The following PRKCSH variants were observed in gnomAD, a reference collection of about 807,000 sequenced individuals.
PRKCSH encodes PRKCSH beta subunit of glucosidase II, also known as glucosidase 2 subunit beta.
PRKCSH carries 42 observed loss-of-function variants against 79.7 expected under a neutral mutation model. The ratio of observed to expected loss-of-function variants is 0.53; its 90% CI spans 0.41 to 0.68. The LOEUF (loss-of-function observed/expected upper bound fraction) is 0.68, where lower values mean the gene tolerates loss of function less well. PRKCSH is among the 30% of genes least tolerant of loss of function. The pLI, the probability that PRKCSH is intolerant of heterozygous loss-of-function variation, is 0.00. For missense variants in PRKCSH, 686 were observed against 709.0 expected, an observed-to-expected ratio of 0.97 and a Z score of 0.37; for synonymous variants, 325 against 288.2, an observed-to-expected ratio of 1.13 and a Z score of -1.29.
At chr19:11,438,984 T>G (rs1374546696) in intron 5 of PRKCSH, among the ~76,000 whole-genome samples, 2 of 151,694 alleles carry the variant, frequency 1.3e-5, no homozygotes, top group African/African-American at 2.4e-5. Flanking sequence ...CTTGGCTCAC[T>G]GCAACCTCTG....
intron 7 of PRKCSH, 50 bp downstream of exon 7, chr19:11,442,565 G>A: frequency 1.3e-6 from 2 of 1,597,386 alleles, no homozygotes; most frequent in Non-Finnish European, 1.7e-6. Context: ...GTGGGAGCAG[G>A]TCTGGGCCTA....
intron 7 of PRKCSH, among the ~76,000 whole-genome samples, 183 bp from the exon 8 acceptor site, chr19:11,445,206 T>G (rs533605498): frequency 6.6e-6 from 1 of 152,198 alleles, no homozygotes; most frequent in Non-Finnish European, 1.5e-5. Context: ...CCATTCACCT[T>G]GCTCTTCGTC....
Position 11,448,851 on chromosome 19 carries a change from G to T in PRKCSH, c.1287-63G>T, listed in dbSNP as rs1482886543. On this transcript the variant is annotated intron_variant, in intron 14 of 17. Transcript: ENST00000677123. The surrounding 1 kb of genome is among the most constrained non-coding windows in gnomAD (Gnocchi z 4.4). ...TGGGGACTGGAGGAGGCGGTGGGGG[G>T]TGGCTGTGGGAGGAGGCTGGAATCC... 32 of 1,587,616 alleles carry T rather than the reference G, an allele frequency of 2.0e-5. No individual in the cohort carries two copies. Among genetic ancestry groups the T allele is most frequent in the Non-Finnish European group, 2.8e-5 (32 of 1,156,344 alleles).
Position 11,448,918 on chromosome 19 carries a change from G to A in PRKCSH, c.1291G>A (p.Val431Ile), listed in dbSNP as rs368655107. The A allele has an allele frequency of 1.1e-4, 179 of 1,614,020 alleles. 1 individual carries two copies. The Admixed American group carries it at 1.5e-3, about 14-fold the overall frequency. The change falls in exon 15 of 18, where the codon GTC becomes ATC. Residue 431 changes from valine (V) to isoleucine (I), a missense_variant. Physicochemically the swap from Val to Ile is conservative, Grantham distance 29. Transcript: ENST00000677123. This position sits in a 1 kb window ranked among gnomAD's most constrained non-coding sequence, Gnocchi z 4.4. ...ATATGTCCCGGTCCTCCACAGATAC[G>A]TCTACCGCCTCTGCCCCTTCAAGCT... ...QCYELTTNEY[V>I]YRLCPFKLVS...
At position 11,441,234 on chromosome 19, in the gene PRKCSH, C is replaced by T; in HGVS notation, c.351-6C>T. 3 of 1,612,300 alleles carry T rather than the reference C, an allele frequency of 1.9e-6. No homozygotes were observed. Among genetic ancestry groups the T allele is most frequent in the Non-Finnish European group, 2.5e-6 (3 of 1,178,366 alleles). On this transcript the variant is annotated splice_region_variant and splice_polypyrimidine_tract_variant and intron_variant, in intron 5 of 17. Transcript: ENST00000677123. ...CTGGTGGTGCCTGTGTGTCTCCGCACCGCAGAGAGAAGGGCCGTAAGGAGA... is the reference window on the plus strand; with the variant it reads ...CTGGTGGTGCCTGTGTGTCTCCGCATCGCAGAGAGAAGGGCCGTAAGGAGA...
rs1970501046 is a variant in PRKCSH, at chr19:11,449,647, A to G, written c.*16+219A>G. 3.3e-6 allele frequency: 2 copies of G among 599,952 alleles called. No individual in the cohort carries two copies. Among genetic ancestry groups the G allele is most frequent in the Admixed American group, 2.9e-5 (1 of 34,048 alleles). The allele number at this position is 599,952 out of a possible 1,614,324, so 37.2% of individuals were successfully genotyped here. A position where few individuals can be genotyped will look rare whatever the true frequency, so the allele number is the denominator to read the frequency against. Reference sequence around the variant, plus strand: ...AACCTCTACCTCCCGGGTTCAAACAATTGTCTTGTCTCAGCCTCCCAAGTA... The same window carrying G: ...AACCTCTACCTCCCGGGTTCAAACAGTTGTCTTGTCTCAGCCTCCCAAGTA... On this transcript the variant is annotated intron_variant, in intron 17 of 17. Transcript: ENST00000677123. The surrounding 1 kb of genome is among the most constrained non-coding windows in gnomAD (Gnocchi z 6.4).
In PRKCSH at chr19:11,449,554, T is replaced by A. The variant is rs1409765097; in HGVS notation, c.*16+126T>A. Reference sequence around the variant, plus strand: ...CCATGTTCCCTGCTTTTTTGTTTTGTTTTTTTGAGGTGGAGTCTCACTCTT... The same window carrying A: ...CCATGTTCCCTGCTTTTTTGTTTTGATTTTTTGAGGTGGAGTCTCACTCTT... On this transcript the variant is annotated intron_variant, in intron 17 of 17. Coordinates refer to ENST00000677123, the MANE Select transcript of PRKCSH (RefSeq NM_001289104.2). This position sits in a 1 kb window ranked among gnomAD's most constrained non-coding sequence, Gnocchi z 6.4. The A allele has an allele frequency of 2.2e-6, 3 of 1,351,152 alleles. No homozygotes were observed. The highest frequency in any genetic ancestry group is 3.1e-6 in the Non-Finnish European group (3 of 983,536). The allele number at this position is 1,351,152 out of a possible 1,614,324, so 83.7% of individuals were successfully genotyped here.
At chr19:11,437,701 T>C (rs908959935) in intron 3 of PRKCSH, among the ~76,000 whole-genome samples, 175 bp from the exon 4 acceptor site, 1 of 152,202 alleles carries the variant, frequency 6.6e-6, no homozygotes, top group Non-Finnish European at 1.5e-5. Flanking sequence ...GAGGCGGCAC[T>C]GGAGAGCTTT....
rs1056698207 is a variant in PRKCSH at position 11,447,296 on chromosome 19, C to T, written c.849+136C>T. On this transcript the variant is annotated intron_variant, in intron 10 of 17. Transcript: ENST00000677123. The surrounding 1 kb of genome is among the most constrained non-coding windows in gnomAD (Gnocchi z 5.6). ...TGGCCCCAGCACCCCCCACCGAGAC[C>T]CCCCGACCCCAGCTGTCGGTCCTCC... 4.5e-6 allele frequency: 6 copies of T among 1,328,876 alleles called. No homozygotes were observed. The highest frequency in any genetic ancestry group is 1.5e-5 in the African/African-American group (1 of 68,956). 82.3% of individuals were successfully genotyped at this position (1,328,876 alleles called of 1,614,324 possible). A position where few individuals can be genotyped will look rare whatever the true frequency, so the allele number is the denominator to read the frequency against.
rs980310241 is a variant in PRKCSH at position 11,440,040 on chromosome 19, T to TA, written c.351-1190dup. Among the ~76,000 whole-genome samples the TA allele has an allele frequency of 4.7e-3, 672 of 143,362 alleles. 3 individuals are homozygous for TA. Among genetic ancestry groups the TA allele is most frequent in the Non-Finnish European group, 4.3e-3 (278 of 65,068 alleles). The allele number at this position is 143,362 out of a possible 152,430, so 94.1% of individuals were successfully genotyped here. ...GCAGAGGTTGCAGTGAGCTAAAAAGTAAAAAAAAAACAAAAAAAACACAAA... is the reference window on the plus strand; with the variant it reads ...GCAGAGGTTGCAGTGAGCTAAAAAGTAAAAAAAAAAACAAAAAAAACACAAA... On this transcript the variant is annotated intron_variant, in intron 5 of 17. Transcript: ENST00000677123.
chr19:11,449,223 G>C lies in PRKCSH; in HGVS notation c.1462-43G>C. The C allele has an allele frequency of 1.2e-6, 2 of 1,613,602 alleles. No homozygotes were observed. The highest frequency in any genetic ancestry group is 8.5e-7 in the Non-Finnish European group (1 of 1,179,956). On this transcript the variant is annotated intron_variant, in intron 16 of 17. Coordinates refer to ENST00000677123, the MANE Select transcript of PRKCSH (RefSeq NM_001289104.2). This position sits in a 1 kb window ranked among gnomAD's most constrained non-coding sequence, Gnocchi z 6.4. ...AGCTGGGGCGGGGAGACCCAGGCCT[G>C]GCCCAGCCGAACCCTCTCGAGCACC...
At chr19:11,439,259 G>A (rs569182023) in intron 5 of PRKCSH, among the ~76,000 whole-genome samples, 7 of 152,094 alleles carry the variant, frequency 4.6e-5, no homozygotes, top group African/African-American at 1.7e-4. Flanking sequence ...CGACCTTGGC[G>A]CATTACCTGT....
At position 11,448,654 on chromosome 19, in the gene PRKCSH, C is replaced by T. The variant is rs765942304; in HGVS notation, c.1286+25C>T. ...AGTGCGTCCCAGGAATGCAGGGGCCCCCACTGGCAGGGTGGGAGGCGGGTG... is the reference window on the plus strand; with the variant it reads ...AGTGCGTCCCAGGAATGCAGGGGCCTCCACTGGCAGGGTGGGAGGCGGGTG... On this transcript the variant is annotated intron_variant, in intron 14 of 17. Coordinates refer to ENST00000677123, the MANE Select transcript of PRKCSH (RefSeq NM_001289104.2). The surrounding 1 kb of genome is among the most constrained non-coding windows in gnomAD (Gnocchi z 4.4). 10 of 1,605,774 alleles carry T rather than the reference C, an allele frequency of 6.2e-6. 1 individual carries two copies. In the South Asian group the frequency reaches 1.1e-4, roughly 18 times the overall value.
chr19:11,437,183 C>T (rs1362344874), intron 3 of PRKCSH, among the ~76,000 whole-genome samples: 1 of 139,550 alleles, frequency 7.2e-6, no homozygotes, highest in Non-Finnish European at 1.6e-5. Flanking sequence ...CTACAGGCAC[C>T]CACCACCACG....
intron 8 of PRKCSH, chr19:11,445,866 C>T (rs1039925279): frequency 1.9e-5 from 7 of 361,174 alleles, no homozygotes; most frequent in Admixed American, 9.1e-5. Flanking sequence ...GAGAGGCACA[C>T]GGGGAGCCTA....
intron 3 of PRKCSH, 83 bp from the exon 4 acceptor site, chr19:11,437,790 GGGT>G: frequency 8.8e-7 from 1 of 1,130,068 alleles, no homozygotes; most frequent in South Asian, 1.2e-5. Context: ...TGTGCAGTGT[GGGT>G]CAGGGGCTCT....
chr19:11,439,358 C>T (rs1011844817), intron 5 of PRKCSH, among the ~76,000 whole-genome samples: 2 of 151,598 alleles, frequency 1.3e-5, no homozygotes, highest in African/African-American at 4.9e-5. Flanking sequence ...ACTGCTTGAG[C>T]CCAGGAGTTT....
At position 11,447,384 on chromosome 19, in the gene PRKCSH, G is replaced by T; in HGVS notation, c.850-55G>T. On this transcript the variant is annotated intron_variant, in intron 10 of 17. Transcript: ENST00000677123. This position sits in a 1 kb window ranked among gnomAD's most constrained non-coding sequence, Gnocchi z 5.6. ...GCCCCTTGGGCTGTGGTGTGAGCCT[G>T]AGGGTGTGGGTGGACCCTGAGTCCA... The T allele has an allele frequency of 1.3e-6, 2 of 1,579,646 alleles. No individual in the cohort carries two copies. Among genetic ancestry groups the T allele is most frequent in the South Asian group, 2.2e-5 (2 of 89,692 alleles).
At position 11,449,566 on chromosome 19, in the gene PRKCSH, G is replaced by T. The variant is rs563113184; in HGVS notation, c.*16+138G>T. On this transcript the variant is annotated intron_variant, in intron 17 of 17. Coordinates refer to ENST00000677123, the MANE Select transcript of PRKCSH (RefSeq NM_001289104.2). The surrounding 1 kb of genome is among the most constrained non-coding windows in gnomAD (Gnocchi z 6.4). ...CTTTTTTGTTTTGTTTTTTTGAGGT[G>T]GAGTCTCACTCTTTGGCCCAGGCTG... 23 of 1,200,646 alleles carry T rather than the reference G, an allele frequency of 1.9e-5. No homozygotes were observed. The East Asian group carries it at 5.0e-4, about 26-fold the overall frequency. The allele number at this position is 1,200,646 out of a possible 1,614,324, so 74.4% of individuals were successfully genotyped here. A position where few individuals can be genotyped will look rare whatever the true frequency, so the allele number is the denominator to read the frequency against.
Sources: allele counts gnomAD v4.1 joint callset (sites outside exome capture counted in the v4.1 genomes callset), GRCh38; gene constraint gnomAD v4.1.1; non-coding constraint Gnocchi (gnomAD v3.1); transcripts MANE v1.5; gene names NCBI Gene and HGNC (gene_info 2026-07-23, HGNC 2026-07-21).